Variants in TERT observed in about 807,000 individuals in gnomAD.
The protein encoded by TERT is telomerase catalytic subunit.
In TERT, 42 loss-of-function variants were observed where a neutral mutation model predicts 104.0. That is an observed-to-expected ratio of 0.40 (90% CI 0.32 to 0.52). The LOEUF is 0.52. Among genes scored for constraint, TERT ranks in the 20% least tolerant of loss-of-function variants. The probability of loss-of-function intolerance (pLI) is 0.43; values close to 1 mark genes in which losing one functional copy is unlikely to be tolerated. For missense variants in TERT, 1,101 were observed against 1,610.3 expected (o/e 0.68, Z 5.41); for synonymous variants, 781 against 725.6 (o/e 1.08, Z -1.23).
Position 1,269,749 on chromosome 5 carries a change from C to T in TERT, c.2469-1116G>A, listed in dbSNP as rs751056202. 4.1e-4 allele frequency among the ~76,000 whole-genome samples: 62 copies of T among 152,164 alleles called. No individual in the cohort carries two copies. Among genetic ancestry groups the T allele is most frequent in the Non-Finnish European group, 6.9e-4 (47 of 68,042 alleles). On this transcript the variant is annotated intron_variant, in intron 8 of 15. Coordinates refer to ENST00000310581, the MANE Select transcript of TERT (RefSeq NM_198253.3). This position sits in a 1 kb window ranked among gnomAD's most constrained non-coding sequence, Gnocchi z 9.0. Reference sequence around the variant, plus strand: ...GAGTCCGGCCAGCCCAGCGAGTCAACGCAAGCAGATACGCCCCTGTGAGCA... The same window carrying T: ...GAGTCCGGCCAGCCCAGCGAGTCAATGCAAGCAGATACGCCCCTGTGAGCA...
rs2126644042 is a variant in TERT, at chr5:1,280,144, C to A, written c.1950+14G>T. 2 of 1,613,822 alleles carry A rather than the reference C, an allele frequency of 1.2e-6. No individual in the cohort carries two copies. The highest frequency in any genetic ancestry group is 1.7e-6 in the Non-Finnish European group (2 of 1,180,010). On this transcript the variant is annotated intron_variant, in intron 4 of 15. Transcript: ENST00000310581. Reference sequence around the variant, plus strand: ...CTTCTGTTTAAAAAGGAAGTTAAACCAAAGCACAGCCACCCTCTTTTCTCT... The same window carrying A: ...CTTCTGTTTAAAAAGGAAGTTAAACAAAAGCACAGCCACCCTCTTTTCTCT...
intron 11 of TERT, 141 bp from the exon 12 acceptor site, chr5:1,260,741 GGGTGCT>G: frequency 8.3e-7 from 1 of 1,203,038 alleles, no homozygotes; most frequent in Non-Finnish European, 1.2e-6. Context: ...CGAGGGGGCT[GGGTGCT>G]CACTCCATGG....
In TERT at chr5:1,293,401, G is replaced by C; in HGVS notation, c.1485C>G (p.Ile495Met). The C allele has an allele frequency of 6.2e-7, 1 of 1,613,298 alleles. No individual in the cohort carries two copies. The highest frequency in any genetic ancestry group is 2.2e-5 in the East Asian group (1 of 44,882). Residue 495 changes from isoleucine (I) to methionine (M), a missense_variant, in exon 2 of 16, where the codon ATC becomes ATG. Coordinates refer to ENST00000310581, the MANE Select transcript of TERT (RefSeq NM_198253.3). ...AGAGCTTGGCATGCTTCCCCAGGGA[G>C]ATGAACTTCTTGGTGTTCCTGAGGA... ...RRFLRNTKKFISLGKHAKLSL... is the reference protein window; with the variant it reads ...RRFLRNTKKFMSLGKHAKLSL...
chr5:1,263,405 C>CTT lies in TERT; in HGVS notation c.2843+997_2843+998dup, dbSNP rs569826270. On this transcript the variant is annotated intron_variant, in intron 11 of 15. Transcript: ENST00000310581. The surrounding 1 kb of genome is among the most constrained non-coding windows in gnomAD (Gnocchi z 5.3). The stretch of plus-strand genomic sequence containing the variant: ...CCACTATGGTTTTGGAATGCTGATA[C>CTT]TTTTTTTTTTTTTTTTAAGATGAAG... Among the ~76,000 whole-genome samples the CTT allele has an allele frequency of 7.8e-3, 1,109 of 142,772 alleles. 12 individuals are homozygous for CTT. The highest frequency in any genetic ancestry group is 0.026 in the Middle Eastern group (7 of 266). 93.7% of individuals were successfully genotyped at this position (142,772 alleles called of 152,430 possible). A position where few individuals can be genotyped will look rare whatever the true frequency, so the allele number is the denominator to read the frequency against.
chr5:1,280,078 C>T, intron 4 of TERT, 80 bp downstream of exon 4: 1 of 1,571,870 alleles, frequency 6.4e-7, no homozygotes. Flanking sequence ...CTCCTCCGGG[C>T]CCTTCATCTA....
intron 6 of TERT, among the ~76,000 whole-genome samples, chr5:1,275,699 T>C (rs1195050550): frequency 6.6e-6 from 1 of 152,042 alleles, no homozygotes; most frequent in Non-Finnish European, 1.5e-5. Flanking sequence ...TTGAACTCTG[T>C]GTTACCCCAC....
chr5:1,272,002 G>A (rs967526582), intron 7 of TERT, among the ~76,000 whole-genome samples, 183 bp downstream of exon 7: 14 of 152,378 alleles, frequency 9.2e-5, no homozygotes, highest in East Asian at 3.9e-4. Context: ...AGCAGCTGTC[G>A]CAGCCTGGCA....
intron 2 of TERT, among the ~76,000 whole-genome samples, chr5:1,291,278 C>G (rs575114088): frequency 2.3e-5 from 2 of 86,674 alleles, no homozygotes; most frequent in Admixed American, 1.1e-4. Context: ...GCGCCTCACT[C>G]ACCCTACACC....
intron 2 of TERT, among the ~76,000 whole-genome samples, chr5:1,289,716 C>T (rs1274776172): frequency 3.2e-4 from 31 of 98,260 alleles, no homozygotes; most frequent in Non-Finnish European, 4.4e-4. Flanking sequence ...CCGGGGACGG[C>T]GCCTCACTCA....
Position 1,294,172 on chromosome 5 carries a change from G to A in TERT, c.714C>T (p.Pro238=). 6.3e-7 allele frequency: 1 copy of A among 1,581,890 alleles called. No individual in the cohort carries two copies. Residue 238 remains proline, a synonymous_variant, in exon 2 of 16, where the codon CCC becomes CCT. Transcript: ENST00000310581. ...ASRSLPLPKR[P]RRGAAPEPER... is the part of the protein sequence containing the mutation. ...CCGGCTCAGGGGCAGCGCCACGCCT[G>A]GGCCTCTTGGGCAACGGCAGACTTC...
rs1160976918 is a variant in TERT, at chr5:1,262,604, T to A, written c.2843+1800A>T. Among the ~76,000 whole-genome samples the A allele has an allele frequency of 6.6e-6, 1 of 152,172 alleles. No homozygotes were observed. The highest frequency in any genetic ancestry group is 1.5e-5 in the Non-Finnish European group (1 of 68,038). On this transcript the variant is annotated intron_variant, in intron 11 of 15. Transcript: ENST00000310581. This position sits in a 1 kb window ranked among gnomAD's most constrained non-coding sequence, Gnocchi z 5.6. ...TAGAGCCACCTCTGCAAGCACACACTCTGACCAAGTGGCCTTTGGGAGCAC... is the reference window on the plus strand; with the variant it reads ...TAGAGCCACCTCTGCAAGCACACACACTGACCAAGTGGCCTTTGGGAGCAC...
In TERT at chr5:1,255,054, G is replaced by A. The variant is rs1240484877; in HGVS notation, c.3157+233C>T. Among the ~76,000 whole-genome samples, 1 of 152,196 alleles carries A rather than the reference G, an allele frequency of 6.6e-6. No individual in the cohort carries two copies. The highest frequency in any genetic ancestry group is 2.4e-5 in the African/African-American group (1 of 41,446). ...GACCAGGCCCCCCAGCGCTTCCCCA[G>A]GCAGAGCAAGGTGGGAAGGATGGCA... On this transcript the variant is annotated intron_variant, in intron 14 of 15. Transcript: ENST00000310581. The surrounding 1 kb of genome is among the most constrained non-coding windows in gnomAD (Gnocchi z 6.9).
Position 1,264,385 on chromosome 5 carries a change from T to A in TERT, c.2843+19A>T. 1 of 1,604,334 alleles carries A rather than the reference T, an allele frequency of 6.2e-7. No homozygotes were observed. The highest frequency in any genetic ancestry group is 8.5e-7 in the Non-Finnish European group (1 of 1,176,744). On this transcript the variant is annotated intron_variant, in intron 11 of 15. Transcript: ENST00000310581. ...GCCCCAGCCGGGCACAGGCTCCACT[T>A]CCGGCCAGGTGCGCTCACCTGGAGT...
intron 6 of TERT, among the ~76,000 whole-genome samples, chr5:1,278,416 C>G (rs1749762587): frequency 1.3e-5 from 2 of 151,592 alleles, no homozygotes; most frequent in South Asian, 4.2e-4. Flanking sequence ...ACACCACAGG[C>G]ACACACACCA....
chr5:1,255,404 C>T lies in TERT; in HGVS notation c.3040G>A (p.Ala1014Thr), dbSNP rs1747650909. Residue 1014 changes from alanine to threonine, a missense_variant, in exon 14 of 16, where the codon GCA becomes ACA. By Grantham distance (58) the Ala-to-Thr change is moderately conservative. This residue lies in a region of TERT where 463 missense variants were observed against 797.5 expected (regional missense o/e 0.58). Coordinates refer to ENST00000310581, the MANE Select transcript of TERT (RefSeq NM_198253.3). This position sits in a 1 kb window ranked among gnomAD's most constrained non-coding sequence, Gnocchi z 6.9. ...ILLLQAYRFH[A>T]CVLQLPFHQQ... ...TGAAATGGGAGCTGCAGCACACATG[C>T]GTGAAACCTGAGAGGATGGCGGACA... The T allele has an allele frequency of 4.3e-6, 7 of 1,614,100 alleles. No homozygotes were observed. The highest frequency in any genetic ancestry group is 5.9e-6 in the Non-Finnish European group (7 of 1,180,042).
intron 15 of TERT, 41 bp downstream of exon 15, chr5:1,254,327 C>CT (rs1747555646): frequency 6.2e-7 from 1 of 1,612,642 alleles, no homozygotes; most frequent in African/African-American, 1.3e-5. Flanking sequence ...AGGATGACCC[C>CT]TGGGCAGGTG....
At position 1,256,514 on chromosome 5, in the gene TERT, C is replaced by CAT. The variant is rs1747747279; in HGVS notation, c.3033-1104_3033-1103insAT. ...GTGCCTGAGCCCCCCATGTACCTGGCCTCACCCACTGCCTGAGCCCCCCGT... is the reference window on the plus strand; with the variant it reads ...GTGCCTGAGCCCCCCATGTACCTGGCATCTCACCCACTGCCTGAGCCCCCCGT... On this transcript the variant is annotated intron_variant, in intron 13 of 15. Coordinates refer to ENST00000310581, the MANE Select transcript of TERT (RefSeq NM_198253.3). The surrounding 1 kb of genome is among the most constrained non-coding windows in gnomAD (Gnocchi z 7.0). Among the ~76,000 whole-genome samples the CAT allele has an allele frequency of 2.4e-5, 3 of 125,438 alleles. No individual in the cohort carries two copies. Among genetic ancestry groups the CAT allele is most frequent in the African/African-American group, 9.2e-5 (3 of 32,474 alleles). 82.3% of individuals were successfully genotyped at this position (125,438 alleles called of 152,430 possible).
Position 1,256,555 on chromosome 5 carries a change from CA to C in TERT, c.3033-1145del, listed in dbSNP as rs1747752501. On this transcript the variant is annotated intron_variant, in intron 13 of 15. Transcript: ENST00000310581. This position sits in a 1 kb window ranked among gnomAD's most constrained non-coding sequence, Gnocchi z 7.0. ...AGCCCCCCGTGTACCTCATCTCACC[CA>C]CTGCCTGAGCCCCCCATGTACCTGG... Among the ~76,000 whole-genome samples the C allele has an allele frequency of 6.6e-6, 1 of 151,200 alleles. No individual in the cohort carries two copies. The highest frequency in any genetic ancestry group is 2.4e-5 in the African/African-American group (1 of 41,040).
rs1037874862 is a variant in TERT at position 1,270,038 on chromosome 5, G to A, written c.2468+1081C>T. Among the ~76,000 whole-genome samples, 5 of 152,126 alleles carry A rather than the reference G, an allele frequency of 3.3e-5. No individual in the cohort carries two copies. The highest frequency in any genetic ancestry group is 7.2e-5 in the African/African-American group (3 of 41,416). ...AAATTCACGACCACGAAGGAGGCCC[G>A]TGGTGGCTTCTCTGGGGAGGTGACT... is the stretch of plus-strand genomic sequence containing the variant. On this transcript the variant is annotated intron_variant, in intron 8 of 15. Transcript: ENST00000310581. This position sits in a 1 kb window ranked among gnomAD's most constrained non-coding sequence, Gnocchi z 8.3.
Sources: allele counts gnomAD v4.1 joint callset (sites outside exome capture counted in the v4.1 genomes callset), GRCh38; gene constraint gnomAD v4.1.1; regional missense constraint gnomAD v4.1.1; non-coding constraint Gnocchi (gnomAD v3.1); transcripts MANE v1.5; gene names NCBI Gene and HGNC (gene_info 2026-07-23, HGNC 2026-07-21).